The following FGF14 variants were observed in gnomAD, a reference collection of about 807,000 sequenced individuals.
The protein encoded by FGF14 is fibroblast growth factor 14, also known as fibroblast growth factor homologous factor 4.
In FGF14, 5 loss-of-function variants were observed where a neutral mutation model predicts 25.5. The observed-to-expected ratio is 0.20, with a 90% confidence interval of 0.10 to 0.41. The LOEUF (loss-of-function observed/expected upper bound fraction) is 0.41, where lower values mean the gene tolerates loss of function less well. Ranked by LOEUF, FGF14 falls within the 10% of genes least tolerant of loss-of-function variation. The pLI is 1.00. For missense variants in FGF14, 222 were observed against 320.1 expected, an observed-to-expected ratio of 0.69 and a Z score of 2.34; for synonymous variants, 138 against 118.3, an observed-to-expected ratio of 1.17 and a Z score of -1.08.
intron 1 of FGF14, among the ~76,000 whole-genome samples, chr13:101,900,482 A>C (rs1319346911): frequency 1.3e-5 from 2 of 152,182 alleles, no homozygotes; most frequent in Non-Finnish European, 2.9e-5. Context: ...TCTCAAAAAA[A>C]GGGGGACTTC....
At chr13:102,315,076 A>T (rs922068341) in intron 1 of FGF14, among the ~76,000 whole-genome samples, 1 of 151,804 alleles carries the variant, frequency 6.6e-6, no homozygotes. Context: ...ATATACAAAC[A>T]TATATGTACA....
chr13:102,037,070 C>T, intron 1 of FGF14, among the ~76,000 whole-genome samples: 1 of 152,040 alleles, frequency 6.6e-6, no homozygotes, highest in East Asian at 1.9e-4. Flanking sequence ...GGAAAATTAT[C>T]TCTTGAGTGT....
chr13:101,887,332 A>G (rs1044378100), intron 1 of FGF14, among the ~76,000 whole-genome samples: 15 of 148,416 alleles, frequency 1.0e-4, no homozygotes, highest in Middle Eastern at 3.5e-3. Context: ...ATGTGTGTAT[A>G]TATATATATA....
chr13:102,009,846 CAT>C lies in FGF14; in HGVS notation c.209-134552_209-134551del, dbSNP rs536242789. Among the ~76,000 whole-genome samples the C allele has an allele frequency of 3.8e-3, 573 of 152,204 alleles. 5 individuals carry two copies. The highest frequency in any genetic ancestry group is 2.6e-3 in the Non-Finnish European group (177 of 67,994). The stretch of plus-strand genomic sequence containing the variant: ...TCTCTTTTCCTCTCCTTCCCCAACA[CAT>C]GTTTTAGAAATATAGAGGTTATTAG... On this transcript the variant is annotated intron_variant, in intron 1 of 4. Coordinates refer to the FGF14 transcript ENST00000376131.
intron 1 of FGF14, chr13:102,003,305 GCCATGGGATT>G (rs1468627979): frequency 6.6e-6 from 1 of 152,154 alleles, no homozygotes; most frequent in Non-Finnish European, 1.5e-5. Context: ...AATAAAGAGA[GCCATGGGATT>G]CCAGGTAAGT....
At chr13:101,833,603 G>C (rs1031354668) in intron 3 of FGF14, among the ~76,000 whole-genome samples, 3 of 152,052 alleles carry the variant, frequency 2.0e-5, no homozygotes, top group African/African-American at 7.2e-5. Context: ...ATACTGCTCT[G>C]TGTGTATATA....
intron 1 of FGF14, among the ~76,000 whole-genome samples, chr13:102,185,067 G>A (rs1322737566): frequency 6.6e-6 from 1 of 152,070 alleles, no homozygotes; most frequent in Admixed American, 6.6e-5. Flanking sequence ...GAAAGCATAT[G>A]TTCTCAGGTA....
chr13:102,346,706 C>T (rs1324979681), intron 1 of FGF14, among the ~76,000 whole-genome samples: 1 of 151,900 alleles, frequency 6.6e-6, no homozygotes, highest in African/African-American at 2.4e-5. Flanking sequence ...AATTTCAACA[C>T]TGGATGTTTC....
At chr13:101,755,889 T>C (rs370894573) in intron 3 of FGF14, among the ~76,000 whole-genome samples, 1 of 152,340 alleles carries the variant, frequency 6.6e-6, no homozygotes, top group East Asian at 1.9e-4. Flanking sequence ...ACGTCTTCTA[T>C]AGTTTTAAAA....
intron 1 of FGF14, among the ~76,000 whole-genome samples, chr13:102,176,091 T>C (rs1219875494): frequency 6.6e-6 from 1 of 152,012 alleles, no homozygotes; most frequent in East Asian, 1.9e-4. Flanking sequence ...GAAAAGAAAT[T>C]GTTATATCAA....
chr13:102,068,977 G>A (rs1005833677), intron 1 of FGF14, among the ~76,000 whole-genome samples: 8 of 152,168 alleles, frequency 5.3e-5, no homozygotes, highest in Non-Finnish European at 8.8e-5. Context: ...GTCTAGCTCG[G>A]GATTGTAAAC....
chr13:101,807,675 T>A (rs2140165127), intron 3 of FGF14, among the ~76,000 whole-genome samples: 1 of 152,126 alleles, frequency 6.6e-6, no homozygotes, highest in East Asian at 1.9e-4. Flanking sequence ...GTATATCCAA[T>A]TTCTATAACA....
intron 1 of FGF14, among the ~76,000 whole-genome samples, chr13:102,184,905 T>G (rs918766178): frequency 6.6e-6 from 1 of 152,170 alleles, no homozygotes; most frequent in African/African-American, 2.4e-5. Flanking sequence ...ATAATAACAG[T>G]GAGAAATTGG....
At chr13:101,789,238 C>G (rs1485378341) in intron 3 of FGF14, among the ~76,000 whole-genome samples, 1 of 151,962 alleles carries the variant, frequency 6.6e-6, no homozygotes, top group African/African-American at 2.4e-5. Flanking sequence ...ATCATTTTCC[C>G]TATTTCCATG....
upstream of FGF14, among the ~76,000 whole-genome samples, chr13:101,919,651 C>A (rs2493585): frequency 0.4 from 60,997 of 151,510 alleles, 14,158 homozygotes; most frequent in East Asian, 0.72. Flanking sequence ...CGCCCCAGCC[C>A]TACCTCTCCC....
chr13:101,774,614 G>A (rs140957963), intron 3 of FGF14, among the ~76,000 whole-genome samples: 1 of 152,278 alleles, frequency 6.6e-6, no homozygotes, highest in African/African-American at 2.4e-5. Flanking sequence ...TAGTGGAAAT[G>A]TTTAAACAGC....
chr13:102,401,070 T>C (rs1184422794), intron 1 of FGF14, among the ~76,000 whole-genome samples: 1 of 152,128 alleles, frequency 6.6e-6, no homozygotes, highest in Admixed American at 6.5e-5. Context: ...GGAACCCAGC[T>C]ACGTCCCTCG....
chr13:102,282,956 A>G (rs1213295229), intron 1 of FGF14, among the ~76,000 whole-genome samples: 2 of 152,138 alleles, frequency 1.3e-5, no homozygotes, highest in Non-Finnish European at 2.9e-5. Flanking sequence ...GATTCAGATT[A>G]TCTATGTTGA....
At chr13:102,159,714 A>G (rs890482088) in intron 1 of FGF14, among the ~76,000 whole-genome samples, 4 of 152,186 alleles carry the variant, frequency 2.6e-5, no homozygotes, top group African/African-American at 9.7e-5. Flanking sequence ...AGAATTTAAC[A>G]TGCATTTGAT....
Sources: gnomAD v4.1 joint callset for allele counts (sites outside exome capture counted in the v4.1 genomes callset) on GRCh38, gnomAD v4.1.1 for gene constraint, MANE v1.5 for transcripts, NCBI Gene and HGNC (gene_info 2026-07-23, HGNC 2026-07-21) for gene names.